The following CCDC110 variants were observed in gnomAD, a reference collection of about 807,000 sequenced individuals.
CCDC110 encodes the protein coiled-coil domain-containing protein 110.
In CCDC110, 70 loss-of-function variants were observed where a neutral mutation model predicts 77.1. The observed-to-expected ratio is 0.91, with a 90% CI of 0.75 to 1.11. The LOEUF is 1.11. Ranked by LOEUF, CCDC110 falls within the 50% of genes least tolerant of loss-of-function variation. The pLI is 0.00. For synonymous variants in CCDC110, 295 were observed against 312.5 expected, an observed-to-expected ratio of 0.94 and a Z score of 0.59; for missense variants, 868 against 942.9, an observed-to-expected ratio of 0.92 and a Z score of 1.04.
chr4:185,453,376 C>T (rs2095631789), intron 6 of CCDC110, among the ~76,000 whole-genome samples: 1 of 152,184 alleles, frequency 6.6e-6, no homozygotes, highest in South Asian at 2.1e-4. Flanking sequence ...CATTACATAA[C>T]ACTTATATAA....
At chr4:185,456,571 C>A (rs761987822) in intron 6 of CCDC110, among the ~76,000 whole-genome samples, 2 of 152,122 alleles carry the variant, frequency 1.3e-5, no homozygotes, top group Non-Finnish European at 2.9e-5. Context: ...GAGGGGACAT[C>A]GCTACAAGTC....
intron 2 of CCDC110, among the ~76,000 whole-genome samples, chr4:185,467,727 C>T (rs2095658808): frequency 6.6e-6 from 1 of 152,220 alleles, no homozygotes; most frequent in Admixed American, 6.5e-5. Context: ...GTACCAACTG[C>T]ATACCTGTAG....
Position 185,458,990 on chromosome 4 carries a change from A to G in CCDC110, c.1597T>C (p.Ser533Pro), listed in dbSNP as rs2095640872. 2 of 1,602,930 alleles carry G rather than the reference A, an allele frequency of 1.2e-6. No individual in the cohort carries two copies. Among genetic ancestry groups the G allele is most frequent in the South Asian group, 1.1e-5 (1 of 88,868 alleles). ...KTLEEKNIQL[S>P]LEKQQMMEAL... is the part of the protein sequence containing the mutation. ...TCCATCATTTGTTGCTTCTCTAAAG[A>G]AAGTTGTATATTTTTTTCCTCTAGA... Residue 533 changes from serine to proline, a missense_variant, in exon 6 of 7, where the codon TCT becomes CCT. By Grantham distance (74) the Ser-to-Pro change is moderately conservative. Coordinates refer to ENST00000307588, the MANE Select transcript of CCDC110 (RefSeq NM_152775.4).
intron 4 of CCDC110, among the ~76,000 whole-genome samples, chr4:185,461,462 T>C (rs2095646290): frequency 6.6e-6 from 1 of 152,218 alleles, no homozygotes; most frequent in Non-Finnish European, 1.5e-5. Context: ...TGGAATCTAT[T>C]CTGTCCCCCT....
At chr4:185,471,280 ATGGG>A (rs2095666628) in intron 1 of CCDC110, among the ~76,000 whole-genome samples, 1 of 84,088 alleles carries the variant, frequency 1.2e-5, no homozygotes, top group Admixed American at 1.4e-4. Flanking sequence ...GGGCGCAGGG[ATGGG>A]ATGGGGCGGA....
intron 6 of CCDC110, among the ~76,000 whole-genome samples, chr4:185,456,572 G>A (rs191655481): frequency 2.0e-5 from 3 of 152,222 alleles, no homozygotes; most frequent in Admixed American, 6.5e-5. Flanking sequence ...AGGGGACATC[G>A]CTACAAGTCC....
At chr4:185,445,944 C>T (rs112466608) in intron 6 of CCDC110, among the ~76,000 whole-genome samples, 80 of 152,208 alleles carry the variant, frequency 5.3e-4, no homozygotes, top group African/African-American at 1.5e-3. Flanking sequence ...CAGGTTCAAG[C>T]GATTCTCCTG....
intron 2 of CCDC110, among the ~76,000 whole-genome samples, chr4:185,467,383 T>C (rs7661782): frequency 0.19 from 28,524 of 152,178 alleles, 3,255 homozygotes; most frequent in African/African-American, 0.32. Context: ...AGGCAATACT[T>C]AGTCACACAG....
chr4:185,454,566 A>C (rs537290255), intron 6 of CCDC110, among the ~76,000 whole-genome samples: 61 of 151,712 alleles, frequency 4.0e-4, no homozygotes, highest in African/African-American at 1.4e-3. Flanking sequence ...ATACAGAAAT[A>C]AGCTGGGCAT....
rs59932374 is a variant in CCDC110 at position 185,452,072 on chromosome 4, G to A, written c.2461+6054C>T. ...TAGAGGAAATCATACACACACATTCGATCTGACAGGTGCAAACTAGTTATG... is the reference window on the plus strand; with the variant it reads ...TAGAGGAAATCATACACACACATTCAATCTGACAGGTGCAAACTAGTTATG... On this transcript the variant is annotated intron_variant, in intron 6 of 6. Coordinates refer to ENST00000307588, the MANE Select transcript of CCDC110 (RefSeq NM_152775.4). The A allele has an allele frequency of 2.3e-3, 768 of 338,904 alleles. 9 individuals carry two copies. The highest frequency in any genetic ancestry group is 0.016 in the African/African-American group (739 of 44,874). The allele number at this position is 338,904 out of a possible 1,614,324, so 21.0% of individuals were successfully genotyped here.
chr4:185,459,912 A>T lies in CCDC110; in HGVS notation c.675T>A (p.Ile225=). 6.2e-7 allele frequency: 1 copy of T among 1,613,910 alleles called. No homozygotes were observed. The highest frequency in any genetic ancestry group is 8.5e-7 in the Non-Finnish European group (1 of 1,179,896). Residue 225 remains isoleucine (I), a synonymous_variant, in exon 6 of 7, where the codon ATT becomes ATA. Coordinates refer to ENST00000307588, the MANE Select transcript of CCDC110 (RefSeq NM_152775.4). ...ATCCATGCTTGAGAAAAGGCACAGT[A>T]ATTTTGGATTTATCCAGAATTACTG... ...ADTVILDKSK[I]TVPFLKHGFC...
intron 2 of CCDC110, among the ~76,000 whole-genome samples, chr4:185,463,817 C>G (rs959631553): frequency 6.6e-6 from 1 of 152,180 alleles, no homozygotes; most frequent in Non-Finnish European, 1.5e-5. Flanking sequence ...GGAACCAACA[C>G]CCACTACTGA....
intron 4 of CCDC110, among the ~76,000 whole-genome samples, chr4:185,461,837 C>T (rs539115529): frequency 6.6e-6 from 1 of 152,122 alleles, no homozygotes; most frequent in Non-Finnish European, 1.5e-5. Context: ...GTGGCTCACG[C>T]CTGTAATCCC....
In CCDC110 at chr4:185,454,443, G is replaced by T. The variant is rs565636087; in HGVS notation, c.2461+3683C>A. On this transcript the variant is annotated intron_variant, in intron 6 of 6. Coordinates refer to ENST00000307588, the MANE Select transcript of CCDC110 (RefSeq NM_152775.4). Reference sequence around the variant, plus strand: ...AAGTGACCTAAAATTGTCGGGCGTGGTGGCTCACGCCTGTAATCCCAGCAC... The same window carrying T: ...AAGTGACCTAAAATTGTCGGGCGTGTTGGCTCACGCCTGTAATCCCAGCAC... Among the ~76,000 whole-genome samples the T allele has an allele frequency of 7.2e-5, 11 of 152,116 alleles. No homozygotes were observed. In the East Asian group the frequency reaches 2.2e-3, roughly 30 times the overall value.
chr4:185,462,969 A>T, intron 3 of CCDC110, 25 bp downstream of exon 3: 2 of 1,587,608 alleles, frequency 1.3e-6, no homozygotes, highest in Non-Finnish European at 1.7e-6. Flanking sequence ...AATTTTGGAG[A>T]TGATAAAATG....
chr4:185,458,694 A>G lies in CCDC110; in HGVS notation c.1893T>C (p.Leu631=). 1.2e-6 allele frequency: 2 copies of G among 1,604,004 alleles called. No homozygotes were observed. Among genetic ancestry groups the G allele is most frequent in the Non-Finnish European group, 8.5e-7 (1 of 1,177,892 alleles). Reference sequence around the variant, plus strand: ...CATCTTTAACTGTTTCTATTATTTGAAGAAGTGTCTCTTGTTCCGTTTTTG... The same window carrying G: ...CATCTTTAACTGTTTCTATTATTTGGAGAAGTGTCTCTTGTTCCGTTTTTG... ...RLAKTEQETL[L]QIIETVKDEK... is the part of the protein sequence containing the mutation. The change falls in exon 6 of 7, where the codon CTT becomes CTC. Residue 631 remains leucine, a synonymous_variant. Coordinates refer to ENST00000307588, the MANE Select transcript of CCDC110 (RefSeq NM_152775.4).
rs757133264 is a variant in CCDC110 at position 185,459,711 on chromosome 4, G to A, written c.876C>T (p.Asn292=). ...DMSPIHQDKM[N]FIKEENLDGN... ...CGTCCAAGTTTTCTTCCTTAATAAA[G>A]TTCATTTTATCCTGGTGAATAGGGG... Residue 292 remains asparagine (N), a synonymous_variant, in exon 6 of 7, where the codon AAC becomes AAT. Transcript: ENST00000307588. 34 of 1,612,926 alleles carry A rather than the reference G, an allele frequency of 2.1e-5. No individual in the cohort carries two copies. The highest frequency in any genetic ancestry group is 2.9e-5 in the Non-Finnish European group (34 of 1,179,738).
At chr4:185,455,728 C>G (rs958564253) in intron 6 of CCDC110, among the ~76,000 whole-genome samples, 1 of 151,932 alleles carries the variant, frequency 6.6e-6, no homozygotes, top group Non-Finnish European at 1.5e-5. Flanking sequence ...ACTAAAAATA[C>G]AAAAATTAGC....
rs1452690499 is a variant in CCDC110, at chr4:185,468,384, G to T, written c.115+2561C>A. Among the ~76,000 whole-genome samples the T allele has an allele frequency of 1.3e-5, 2 of 152,118 alleles. No individual in the cohort carries two copies. Among genetic ancestry groups the T allele is most frequent in the Non-Finnish European group, 2.9e-5 (2 of 68,022 alleles). On this transcript the variant is annotated intron_variant, in intron 2 of 6. Transcript: ENST00000307588. This position sits in a 1 kb window ranked among gnomAD's most constrained non-coding sequence, Gnocchi z 4.5. ...TGCAGAGGCAATATGATGATAATTT[G>T]GTAAATTCAAAATTTCTAGTCAAGA...
Sources: allele counts gnomAD v4.1 joint callset (sites outside exome capture counted in the v4.1 genomes callset), GRCh38; gene constraint gnomAD v4.1.1; non-coding constraint Gnocchi (gnomAD v3.1); transcripts MANE v1.5; gene names NCBI Gene and HGNC (gene_info 2026-07-23, HGNC 2026-07-21).